Variants in BNC1 observed in about 807,000 individuals in gnomAD.
BNC1 encodes basonuclin zinc finger protein 1, also known as zinc finger protein basonuclin-1.
Under a neutral mutation model 66.5 loss-of-function variants are expected in BNC1, and 8 were observed. The ratio of observed to expected loss-of-function variants is 0.12; its 90% CI spans 0.07 to 0.22. The LOEUF (loss-of-function observed/expected upper bound fraction) is 0.22. BNC1 is among the 10% of genes least tolerant of loss of function. The pLI is 1.00. For synonymous variants in BNC1, 454 were observed against 452.6 expected (o/e 1.00, Z -0.04); for missense variants, 1,069 against 1,241.3 (o/e 0.86, Z 2.09).
chr15:83,269,812 A>G (rs1159239266), intron 1 of BNC1, among the ~76,000 whole-genome samples: 1 of 152,194 alleles, frequency 6.6e-6, no homozygotes. Flanking sequence ...CAAAAAGTAG[A>G]AAAAACCCCA....
chr15:83,257,210 T>C lies in BNC1; in HGVS notation c.*232A>G. ...AAATCACATTTCTGCAAGTTTTCCT[T>C]GTATCAGTGAAAGACCTCTTGGGCT... is the stretch of plus-strand genomic sequence containing the variant. On this transcript the variant is annotated 3_prime_UTR_variant, in exon 5 of 5. Transcript: ENST00000345382. 1 of 569,434 alleles carries C rather than the reference T, an allele frequency of 1.8e-6. No individual in the cohort carries two copies. Among genetic ancestry groups the C allele is most frequent in the South Asian group, 2.3e-5 (1 of 42,698 alleles). The allele number at this position is 569,434 out of a possible 1,614,324, so 35.3% of individuals were successfully genotyped here. A position where few individuals can be genotyped will look rare whatever the true frequency, so the allele number is the denominator to read the frequency against.
In BNC1 at chr15:83,257,480, G is replaced by T. The variant is rs1162793351; in HGVS notation, c.2947C>A (p.His983Asn). The T allele has an allele frequency of 6.2e-7, 1 of 1,614,038 alleles. No individual in the cohort carries two copies. Among genetic ancestry groups the T allele is most frequent in the Non-Finnish European group, 8.5e-7 (1 of 1,180,012 alleles). ...RNRHSQNPNL[H>N]KSLASSPSHL... ...CTTGGAGATGAGGCCAGGCTTTTGTGCAGGTTGGGATTCTGGCTGTGTCTG... is the reference window on the plus strand; with the variant it reads ...CTTGGAGATGAGGCCAGGCTTTTGTTCAGGTTGGGATTCTGGCTGTGTCTG... Residue 983 changes from histidine to asparagine, a missense_variant, in exon 5 of 5, where the codon CAC becomes AAC. This residue lies in a region of BNC1 where 657 missense variants were observed against 715.8 expected (regional missense o/e 0.92). Transcript: ENST00000345382.
At chr15:83,283,217 G>T (rs1392914883) in intron 1 of BNC1, 19 of 1,535,686 alleles carry the variant, frequency 1.2e-5, no homozygotes, top group Admixed American at 2.0e-5. Flanking sequence ...CCGCATTTGT[G>T]AAAGTTTGGC....
chr15:83,276,662 TG>T lies in BNC1; in HGVS notation c.99+7867del, dbSNP rs1432718930. The stretch of plus-strand genomic sequence containing the variant: ...AGATGACTCTACTGTAAGACCTGTC[TG>T]CCTTTCCCTCTTCCTCTTTCTTGGA... On this transcript the variant is annotated intron_variant, in intron 1 of 4. Transcript: ENST00000345382. Among the ~76,000 whole-genome samples the T allele has an allele frequency of 2.0e-5, 3 of 152,238 alleles. No individual in the cohort carries two copies. The East Asian group carries it at 5.8e-4, about 29-fold the overall frequency.
chr15:83,283,189 G>C, intron 1 of BNC1: 1 of 1,535,644 alleles, frequency 6.5e-7, no homozygotes. Flanking sequence ...CCTTAAATGA[G>C]AAGAACATGT....
At chr15:83,272,285 C>CA (rs2151438300) in intron 1 of BNC1, among the ~76,000 whole-genome samples, 1 of 152,140 alleles carries the variant, frequency 6.6e-6, no homozygotes, top group Admixed American at 6.5e-5. Flanking sequence ...GGCTGGAGTG[C>CA]AGTGGCACAA....
In BNC1 at chr15:83,257,479, T is replaced by C; in HGVS notation, c.2948A>G (p.His983Arg). The C allele has an allele frequency of 6.2e-7, 1 of 1,614,182 alleles. No homozygotes were observed. The highest frequency in any genetic ancestry group is 8.5e-7 in the Non-Finnish European group (1 of 1,180,016). Residue 983 changes from histidine to arginine, a missense_variant, in exon 5 of 5, where the codon CAC (histidine) becomes CGC (arginine). Coordinates refer to ENST00000345382, the MANE Select transcript of BNC1 (RefSeq NM_001717.4). ...ACTTGGAGATGAGGCCAGGCTTTTG[T>C]GCAGGTTGGGATTCTGGCTGTGTCT... ...RNRHSQNPNL[H>R]KSLASSPSHL...
chr15:83,269,855 T>C (rs1329674043), intron 1 of BNC1, among the ~76,000 whole-genome samples: 7 of 152,134 alleles, frequency 4.6e-5, no homozygotes, highest in Non-Finnish European at 1.0e-4. Context: ...ATAAACAAAA[T>C]GTGATATATC....
intron 4 of BNC1, among the ~76,000 whole-genome samples, chr15:83,261,236 C>G (rs1289082218): frequency 1.3e-5 from 2 of 152,164 alleles, no homozygotes; most frequent in African/African-American, 4.8e-5. Context: ...ATTAGGGTGC[C>G]TTGGTGGTTT....
intron 4 of BNC1, among the ~76,000 whole-genome samples, chr15:83,261,006 T>C (rs551208974): frequency 6.6e-6 from 1 of 152,292 alleles, no homozygotes; most frequent in East Asian, 1.9e-4. Flanking sequence ...TTAATACAAA[T>C]AGGTCAGAAC....
intron 4 of BNC1, among the ~76,000 whole-genome samples, chr15:83,262,088 G>A (rs959358754): frequency 2.2e-5 from 3 of 134,990 alleles, no homozygotes; most frequent in East Asian, 2.1e-4. Flanking sequence ...TCGCTCTGTC[G>A]CTAGGCTGGA....
Position 83,268,179 on chromosome 15 carries a change from T to G in BNC1, c.153A>C (p.Ile51=), listed in dbSNP as rs375455087. ...TGCATTGGTCACACTGACGGTGGTT[T>G]ATTTTCCCGGGTTTGAAACTTTGGC... ...CSCQSFKPGK[I]NHRQCDQCKH... is the part of the protein sequence containing the mutation. The change falls in exon 2 of 5, where the codon ATA becomes ATC. Residue 51 remains isoleucine, a synonymous_variant. Coordinates refer to ENST00000345382, the MANE Select transcript of BNC1 (RefSeq NM_001717.4). 6.2e-7 allele frequency: 1 copy of G among 1,614,086 alleles called. No individual in the cohort carries two copies. The highest frequency in any genetic ancestry group is 1.6e-4 in the Middle Eastern group (1 of 6,084).
rs751048801 is a variant in BNC1, at chr15:83,264,419, G to C, written c.832C>G (p.Gln278Glu). The C allele has an allele frequency of 6.2e-7, 1 of 1,614,050 alleles. No individual in the cohort carries two copies. The highest frequency in any genetic ancestry group is 1.6e-4 in the Middle Eastern group (1 of 6,084). The change falls in exon 4 of 5, where the codon CAG becomes GAG. Residue 278 changes from glutamine (Q) to glutamate (E), a missense_variant. Coordinates refer to ENST00000345382, the MANE Select transcript of BNC1 (RefSeq NM_001717.4). ...TCAGGGAAGGGCCCATGGACTTCCT[G>C]TTTGGGGTCCTGACTTTGGTCATGA... ...QGHDQSQDPK[Q>E]EVHGPFPDSS... is the part of the protein sequence containing the mutation.
intron 4 of BNC1, among the ~76,000 whole-genome samples, chr15:83,260,526 T>C (rs1203418606): frequency 6.6e-6 from 1 of 152,178 alleles, no homozygotes; most frequent in East Asian, 1.9e-4. Flanking sequence ...TCCAGGAAGC[T>C]TTCCTTAACT....
At chr15:83,268,049 T>C in intron 2 of BNC1, 84 bp downstream of exon 2, 1 of 1,160,476 alleles carries the variant, frequency 8.6e-7, no homozygotes, top group Non-Finnish European at 1.3e-6. Context: ...TTGTCATTCT[T>C]AAGATATTAA....
chr15:83,266,042 A>G (rs1428607811), intron 3 of BNC1, among the ~76,000 whole-genome samples: 1 of 152,188 alleles, frequency 6.6e-6, no homozygotes, highest in Non-Finnish European at 1.5e-5. Flanking sequence ...CATATCTTAA[A>G]GGAATGATGC....
chr15:83,273,057 G>A (rs193271818), intron 1 of BNC1, among the ~76,000 whole-genome samples: 43 of 152,200 alleles, frequency 2.8e-4, no homozygotes, highest in East Asian at 2.5e-3. Flanking sequence ...CTTCAGTTTC[G>A]GGATAATTTT....
At position 83,263,007 on chromosome 15, in the gene BNC1, G is replaced by A. The variant is rs765048168; in HGVS notation, c.2244C>T (p.His748=). 1.9e-6 allele frequency: 3 copies of A among 1,614,030 alleles called. No homozygotes were observed. The highest frequency in any genetic ancestry group is 2.7e-5 in the African/African-American group (2 of 74,928). ...CATTACAGCCCTCCACTGTGCATGTGTGCATTTCTTTGACATGCATATTCT... is the reference window on the plus strand; with the variant it reads ...CATTACAGCCCTCCACTGTGCATGTATGCATTTCTTTGACATGCATATTCT... The part of the protein sequence containing the change: ...HHKNMHVKEM[H]TCTVEGCNAT... The change falls in exon 4 of 5, where the codon CAC becomes CAT. Residue 748 remains histidine, a synonymous_variant. Transcript: ENST00000345382.
intron 1 of BNC1, among the ~76,000 whole-genome samples, chr15:83,271,878 TATACATAATTA>T (rs1329091116): frequency 1.3e-5 from 2 of 152,252 alleles, no homozygotes; most frequent in Non-Finnish European, 2.9e-5. Flanking sequence ...AGTATACCTA[TATACATAATTA>T]TATAGTTACC....
Sources: allele counts gnomAD v4.1 joint callset (sites outside exome capture counted in the v4.1 genomes callset), GRCh38; gene constraint gnomAD v4.1.1; regional missense constraint gnomAD v4.1.1; transcripts MANE v1.5; gene names NCBI Gene and HGNC (gene_info 2026-07-23, HGNC 2026-07-21).